The following CHD6 variants were observed in gnomAD, a reference collection of about 807,000 sequenced individuals.
The protein encoded by CHD6 is ATP-dependent chromatin remodeler CHD6.
Under a neutral mutation model 276.9 loss-of-function variants are expected in CHD6, and 50 were observed. The observed-to-expected ratio is 0.18, with a 90% CI of 0.14 to 0.23. The LOEUF is 0.23. Ranked by LOEUF, CHD6 falls within the 10% of genes least tolerant of loss-of-function variation. The probability of loss-of-function intolerance (pLI) is 1.00; values close to 1 mark genes in which losing one functional copy is unlikely to be tolerated. For missense variants in CHD6, 2,564 were observed against 3,365.8 expected, an observed-to-expected ratio of 0.76 and a Z score of 5.89; for synonymous variants, 1,173 against 1,229.3, an observed-to-expected ratio of 0.95 and a Z score of 0.96.
At chr20:41,569,877 G>A (rs73907181) in intron 1 of CHD6, among the ~76,000 whole-genome samples, 67 of 152,246 alleles carry the variant, frequency 4.4e-4, no homozygotes, top group Middle Eastern at 3.4e-3. Flanking sequence ...TAAGGAACTG[G>A]AGCAACCTCA....
At position 41,477,040 on chromosome 20, in the gene CHD6, G is replaced by A. The variant is rs1334501264; in HGVS notation, c.2469-3523C>T. ...TGACTTGAGGCCAGGAGTTCAAGAA[G>A]AGCCTGGGCAACATAGTGGGACCTC... On this transcript the variant is annotated intron_variant, in intron 16 of 36. Transcript: ENST00000373233. 2.0e-5 allele frequency among the ~76,000 whole-genome samples: 3 copies of A among 151,966 alleles called. No individual in the cohort carries two copies. The East Asian group carries it at 5.8e-4, about 29-fold the overall frequency.
At chr20:41,433,186 G>T (rs187158771) in intron 27 of CHD6, among the ~76,000 whole-genome samples, 55 of 152,202 alleles carry the variant, frequency 3.6e-4, no homozygotes, top group Admixed American at 3.4e-3. Flanking sequence ...AGAGGACAGG[G>T]CAGAAGAAAT....
In CHD6 at chr20:41,618,376, C is replaced by G. The variant is rs1375288984; in HGVS notation, c.-60G>C. On this transcript the variant is annotated 5_prime_UTR_variant, in exon 1 of 37. Coordinates refer to ENST00000373233, the MANE Select transcript of CHD6 (RefSeq NM_032221.5). ...CCTGCAGCAGCCAAAATACAAACAG[C>G]TATTATTTGGTGAAGTTTAGCTCAG... 2 of 152,134 alleles carry G rather than the reference C, an allele frequency of 1.3e-5. No individual in the cohort carries two copies. Among genetic ancestry groups the G allele is most frequent in the African/African-American group, 4.8e-5 (2 of 41,434 alleles). 9.4% of individuals were successfully genotyped at this position (152,134 alleles called of 1,614,324 possible). A position where few individuals can be genotyped will look rare whatever the true frequency, so the allele number is the denominator to read the frequency against.
intron 3 of CHD6, among the ~76,000 whole-genome samples, chr20:41,531,054 C>T (rs1268639216): frequency 2.6e-5 from 4 of 152,164 alleles, no homozygotes; most frequent in African/African-American, 9.7e-5. Context: ...ATTTGGCATC[C>T]AACACTTTGT....
At chr20:41,435,621 A>T (rs2145568559) in intron 27 of CHD6, among the ~76,000 whole-genome samples, 1 of 138,862 alleles carries the variant, frequency 7.2e-6, no homozygotes, top group Admixed American at 7.2e-5. Context: ...AAAAAAAAAA[A>T]AGTAAATGCA....
chr20:41,486,282 A>G (rs988633749), intron 14 of CHD6: 8 of 152,196 alleles, frequency 5.3e-5, no homozygotes, highest in Non-Finnish European at 1.2e-4. Flanking sequence ...GTGCTGGTCA[A>G]TACAACAAAC....
intron 8 of CHD6, 153 bp downstream of exon 8, chr20:41,497,231 T>TA (rs2043709422): frequency 1.6e-6 from 1 of 624,916 alleles, no homozygotes; most frequent in Admixed American, 2.5e-5. Context: ...GACTTGAATC[T>TA]AGACTAGTTT....
intron 2 of CHD6, among the ~76,000 whole-genome samples, chr20:41,541,744 G>A (rs1414069376): frequency 6.6e-6 from 1 of 152,196 alleles, no homozygotes; most frequent in Non-Finnish European, 1.5e-5. Context: ...GGTAAGTGAA[G>A]CACTAAAGAG....
At chr20:41,503,728 C>T (rs565502034) in intron 5 of CHD6, among the ~76,000 whole-genome samples, 3 of 151,986 alleles carry the variant, frequency 2.0e-5, no homozygotes, top group South Asian at 2.1e-4. Context: ...TTAGTTATAT[C>T]GTCAAATGCT....
rs1240671035 is a variant in CHD6 at position 41,405,376 on chromosome 20, G to C, written c.7365C>G (p.Ser2455=). 1 of 1,614,202 alleles carries C rather than the reference G, an allele frequency of 6.2e-7. No individual in the cohort carries two copies. The highest frequency in any genetic ancestry group is 8.5e-7 in the Non-Finnish European group (1 of 1,180,032). Reference sequence around the variant, plus strand: ...TTCCAGAGGGAGAGTCTGCCACAATGGAAGGAGCCTTCAGGAGTTCGCTCC... The same window carrying C: ...TTCCAGAGGGAGAGTCTGCCACAATCGAAGGAGCCTTCAGGAGTTCGCTCC... ...RPRSELLKAP[S]IVADSPSGMG... is the part of the protein sequence containing the mutation. Residue 2455 remains serine, a synonymous_variant, in exon 37 of 37, where the codon TCC becomes TCG. Transcript: ENST00000373233.
At chr20:41,428,385 A>T (rs527675311) in intron 27 of CHD6, among the ~76,000 whole-genome samples, 7 of 152,296 alleles carry the variant, frequency 4.6e-5, no homozygotes, top group Non-Finnish European at 7.4e-5. Flanking sequence ...CCTGCATCTG[A>T]ACTATGTAGT....
rs1284804645 is a variant in CHD6, at chr20:41,403,609, C to G, written c.*984G>C. The G allele has an allele frequency of 3.8e-6, 4 of 1,062,296 alleles. No homozygotes were observed. The African/African-American group carries it at 6.6e-5, about 17-fold the overall frequency. The allele number at this position is 1,062,296 out of a possible 1,614,324, so 65.8% of individuals were successfully genotyped here. A position where few individuals can be genotyped will look rare whatever the true frequency, so the allele number is the denominator to read the frequency against. On this transcript the variant is annotated 3_prime_UTR_variant, in exon 37 of 37. Coordinates refer to ENST00000373233, the MANE Select transcript of CHD6 (RefSeq NM_032221.5). ...CACTCTTGATCAAAGGACCTACTAG[C>G]AAGTGTCAAAGTGTTGGGCAACTGT... is the stretch of plus-strand genomic sequence containing the variant.
chr20:41,544,060 T>C (rs1308298654), intron 2 of CHD6, among the ~76,000 whole-genome samples: 1 of 152,044 alleles, frequency 6.6e-6, no homozygotes, highest in Non-Finnish European at 1.5e-5. Context: ...GGCAAAATAG[T>C]GAAACCCTGT....
intron 7 of CHD6, 109 bp from the exon 8 acceptor site, chr20:41,497,610 T>C: frequency 1.2e-6 from 1 of 806,972 alleles, no homozygotes; most frequent in Admixed American, 1.7e-5. Context: ...AGTAAAATGG[T>C]TTATTGTGAA....
At position 41,420,707 on chromosome 20, in the gene CHD6, G is replaced by A; in HGVS notation, c.5928C>T (p.Ala1976=). The change falls in exon 31 of 37, where the codon GCC becomes GCT. Residue 1976 remains alanine, a synonymous_variant. Coordinates refer to ENST00000373233, the MANE Select transcript of CHD6 (RefSeq NM_032221.5). ...DLFKSKTNTI[A]MEGEPTAIPS... is the part of the protein sequence containing the mutation. ...GAATAGCAGTGGGTTCACCCTCCAT[G>A]GCGATAGTATTGGTTTTACTTTTGA... The A allele has an allele frequency of 6.2e-7, 1 of 1,614,194 alleles. No individual in the cohort carries two copies. Among genetic ancestry groups the A allele is most frequent in the East Asian group, 2.2e-5 (1 of 44,886 alleles).
intron 17 of CHD6, among the ~76,000 whole-genome samples, chr20:41,469,568 T>A (rs1055587956): frequency 1.3e-5 from 2 of 152,258 alleles, no homozygotes; most frequent in African/African-American, 4.8e-5. Context: ...GTTATCGTCC[T>A]GTGCCACTTC....
chr20:41,470,968 T>C (rs2043039176), intron 17 of CHD6, among the ~76,000 whole-genome samples: 1 of 152,274 alleles, frequency 6.6e-6, no homozygotes, highest in Admixed American at 6.5e-5. Context: ...TTTGGTTTCC[T>C]GTGCCACTAT....
chr20:41,422,383 A>C (rs1423201624), intron 30 of CHD6, among the ~76,000 whole-genome samples: 3 of 152,156 alleles, frequency 2.0e-5, no homozygotes, highest in Non-Finnish European at 4.4e-5. Context: ...CACACCTGTA[A>C]TCCCAGCACT....
At chr20:41,554,377 T>TTTTATTTA (rs138632294) in intron 1 of CHD6, among the ~76,000 whole-genome samples, 73 of 150,094 alleles carry the variant, frequency 4.9e-4, no homozygotes, top group African/African-American at 1.2e-3. Context: ...CACTTTTATT[T>TTTTATTTA]TTTATTTATT....
Sources: allele counts gnomAD v4.1 joint callset (sites outside exome capture counted in the v4.1 genomes callset), GRCh38; gene constraint gnomAD v4.1.1; transcripts MANE v1.5; gene names NCBI Gene and HGNC (gene_info 2026-07-23, HGNC 2026-07-21).